KCNJ6: variants seen among roughly 807,000 people sequenced by gnomAD.
KCNJ6 encodes potassium inwardly rectifying channel subfamily J member 6.
KCNJ6 carries 9 observed loss-of-function variants against 34.2 expected under a neutral mutation model. That is an observed-to-expected ratio of 0.26 (90% CI 0.16 to 0.46). The LOEUF (loss-of-function observed/expected upper bound fraction) is 0.46, where lower values mean the gene tolerates loss of function less well. Ranked by LOEUF, KCNJ6 falls within the 20% of genes least tolerant of loss-of-function variation. KCNJ6 has a pLI of 1.00. For missense variants in KCNJ6, 236 were observed against 531.3 expected (o/e 0.44, Z 5.46); for synonymous variants, 196 against 207.1 (o/e 0.95, Z 0.46).
chr21:37,683,458 CT>C (rs1386165941), intron 3 of KCNJ6, among the ~76,000 whole-genome samples: 2 of 152,188 alleles, frequency 1.3e-5, no homozygotes, highest in Non-Finnish European at 2.9e-5. Flanking sequence ...TTCTCCCCTC[CT>C]CCTCCTCTGT....
chr21:37,831,819 T>A (rs875273), intron 2 of KCNJ6, among the ~76,000 whole-genome samples: 80 of 152,162 alleles, frequency 5.3e-4, no homozygotes, highest in Admixed American at 5.2e-3. Context: ...CAGAAGGCGG[T>A]CTTGCGGGGA....
intron 3 of KCNJ6, among the ~76,000 whole-genome samples, chr21:37,691,551 C>T (rs1259586291): frequency 6.6e-6 from 1 of 152,218 alleles, no homozygotes; most frequent in Non-Finnish European, 1.5e-5. Flanking sequence ...CTAAGGAGTT[C>T]CTCTGAGGTG....
rs75567425 is a variant in KCNJ6, at chr21:37,752,251, T to G, written c.26-37120A>C. 4.3e-3 allele frequency among the ~76,000 whole-genome samples: 651 copies of G among 152,246 alleles called. 4 individuals carry two copies. Among genetic ancestry groups the G allele is most frequent in the African/African-American group, 0.014 (584 of 41,530 alleles). On this transcript the variant is annotated intron_variant, in intron 2 of 3. Transcript: ENST00000609713. ...AGGGGTTTTCCAGGATCAGTTGCCT[T>G]GATTCAGCCCCAGTGGCCCTGCTAC...
At chr21:37,879,714 AGTGTGTGT>A (rs56736533) in intron 1 of KCNJ6, among the ~76,000 whole-genome samples, 54,967 of 143,166 alleles carry the variant, frequency 0.38, 10,697 homozygotes, top group Admixed American at 0.53. Context: ...CTTGAAATGA[AGTGTGTGT>A]GTGTGTGTGT....
At position 37,612,665 on chromosome 21, in the gene KCNJ6, C is replaced by T. The variant is rs761263300; in HGVS notation, c.*12494G>A. 1.1e-4 allele frequency: 16 copies of T among 140,186 alleles called. No individual in the cohort carries two copies. Among genetic ancestry groups the T allele is most frequent in the Non-Finnish European group, 2.4e-4 (16 of 65,704 alleles). The allele number at this position is 140,186 out of a possible 1,614,324, so 8.7% of individuals were successfully genotyped here. On this transcript the variant is annotated 3_prime_UTR_variant, in exon 4 of 4. Coordinates refer to ENST00000609713, the MANE Select transcript of KCNJ6 (RefSeq NM_002240.5). ...AAGGAGCACAGGCAAAACAGTGCGG[C>T]AAAGAGGGTCTTTTCAACAAACGGT...
chr21:37,781,342 G>A (rs535568379), intron 2 of KCNJ6, among the ~76,000 whole-genome samples: 17 of 152,276 alleles, frequency 1.1e-4, no homozygotes, highest in Middle Eastern at 6.8e-3. Context: ...GGGTAAGGGC[G>A]CAGTGACAGA....
chr21:37,761,520 TGTGTGTGTGGTGTGTGTC>T (rs1321566651), intron 2 of KCNJ6, among the ~76,000 whole-genome samples: 1 of 151,158 alleles, frequency 6.6e-6, no homozygotes, highest in Admixed American at 6.6e-5. Flanking sequence ...TGTGTATATT[TGTGTGTGTGGTGTGTGTC>T]GTGTGTGTGG....
intron 1 of KCNJ6, among the ~76,000 whole-genome samples, chr21:37,870,000 G>A (rs1244464402): frequency 1.3e-5 from 2 of 152,216 alleles, no homozygotes; most frequent in African/African-American, 2.4e-5. Flanking sequence ...GCCAAGACAA[G>A]GCATTTGCTG....
intron 1 of KCNJ6, among the ~76,000 whole-genome samples, chr21:37,908,410 A>C (rs2055851856): frequency 6.6e-6 from 1 of 152,226 alleles, no homozygotes; most frequent in Admixed American, 6.5e-5. Context: ...TTAGTAGACT[A>C]ATTCAACCTA....
intron 2 of KCNJ6, among the ~76,000 whole-genome samples, chr21:37,830,270 G>A (rs2123564831): frequency 6.6e-6 from 1 of 152,300 alleles, no homozygotes; most frequent in African/African-American, 2.4e-5. Context: ...GCAAGTGGAA[G>A]GTGGGAGGCC....
At chr21:37,757,664 C>G (rs975853895) in intron 2 of KCNJ6, among the ~76,000 whole-genome samples, 4 of 106,428 alleles carry the variant, frequency 3.8e-5, no homozygotes, top group African/African-American at 6.8e-5. Context: ...CTCACAGATT[C>G]CAGCCTGGAG....
intron 2 of KCNJ6, among the ~76,000 whole-genome samples, chr21:37,801,620 A>G (rs937712075): frequency 2.6e-5 from 4 of 152,166 alleles, no homozygotes; most frequent in African/African-American, 9.7e-5. Context: ...AGCTTCTCCC[A>G]GCCTTCCCAC....
intron 2 of KCNJ6, among the ~76,000 whole-genome samples, chr21:37,838,672 T>C (rs750928106): frequency 6.6e-6 from 1 of 152,236 alleles, no homozygotes; most frequent in Non-Finnish European, 1.5e-5. Context: ...CTGGTCCATT[T>C]TGTGATGGCA....
intron 3 of KCNJ6, among the ~76,000 whole-genome samples, chr21:37,681,713 G>A (rs922765259): frequency 2.2e-4 from 34 of 152,094 alleles, no homozygotes; most frequent in African/African-American, 7.7e-4. Flanking sequence ...ACCTTTTGTC[G>A]CTGAGTACAC....
At chr21:37,708,337 C>G (rs1203454319) in intron 3 of KCNJ6, among the ~76,000 whole-genome samples, 1 of 152,164 alleles carries the variant, frequency 6.6e-6, no homozygotes, top group Non-Finnish European at 1.5e-5. Context: ...ATCTGATGAA[C>G]CAGAACACAG....
Position 37,788,602 on chromosome 21 carries a change from T to C in KCNJ6, c.25+52056A>G, listed in dbSNP as rs114783849. Among the ~76,000 whole-genome samples, 481 of 152,322 alleles carry C rather than the reference T, an allele frequency of 3.2e-3. 2 individuals are homozygous for C. The highest frequency in any genetic ancestry group is 0.011 in the African/African-American group (470 of 41,566). ...ATCTGAGCTGACATTGTGATTTTCT[T>C]TGGCCAGCAGAGTGTGGCAGAAGTG... On this transcript the variant is annotated intron_variant, in intron 2 of 3. Coordinates refer to ENST00000609713, the MANE Select transcript of KCNJ6 (RefSeq NM_002240.5).
At chr21:37,848,887 C>T (rs1008175489) in intron 1 of KCNJ6, among the ~76,000 whole-genome samples, 1 of 152,186 alleles carries the variant, frequency 6.6e-6, no homozygotes, top group Non-Finnish European at 1.5e-5. Context: ...TACTGTGGGA[C>T]AAGCTCTTGA....
At chr21:37,865,469 G>A (rs537728089) in intron 1 of KCNJ6, among the ~76,000 whole-genome samples, 2 of 152,218 alleles carry the variant, frequency 1.3e-5, no homozygotes, top group Non-Finnish European at 2.9e-5. Context: ...GGGGAGGCAG[G>A]GGCCTGACTC....
rs187518902 is a variant in KCNJ6, at chr21:37,695,746, C to T, written c.946+18465G>A. Among the ~76,000 whole-genome samples the T allele has an allele frequency of 1.2e-4, 18 of 152,302 alleles. No individual in the cohort carries two copies. The East Asian group carries it at 2.1e-3, about 18-fold the overall frequency. On this transcript the variant is annotated intron_variant, in intron 3 of 3. Coordinates refer to ENST00000609713, the MANE Select transcript of KCNJ6 (RefSeq NM_002240.5). This position sits in a 1 kb window ranked among gnomAD's most constrained non-coding sequence, Gnocchi z 4.2. ...GAGGGACCTGGTATGAATATCTTCT[C>T]GGTACACCAAGTGCCTATGTCTTGG...
Sources: allele counts gnomAD v4.1 joint callset (sites outside exome capture counted in the v4.1 genomes callset), GRCh38; gene constraint gnomAD v4.1.1; non-coding constraint Gnocchi (gnomAD v3.1); transcripts MANE v1.5; gene names NCBI Gene and HGNC (gene_info 2026-07-23, HGNC 2026-07-21).